Variants in KDM3B observed in about 807,000 individuals in gnomAD.
KDM3B encodes lysine-specific demethylase 3B.
A neutral mutation model predicts 170.0 loss-of-function variants in KDM3B; 10 were observed. The observed-to-expected ratio is 0.06, with a 90% CI of 0.04 to 0.10. The LOEUF (loss-of-function observed/expected upper bound fraction) is 0.10. KDM3B is among the 10% of genes least tolerant of loss of function. The probability of loss-of-function intolerance (pLI) is 1.00; values close to 1 mark genes in which losing one functional copy is unlikely to be tolerated. For synonymous variants in KDM3B, 831 were observed against 834.8 expected, an observed-to-expected ratio of 1.00 and a Z score of 0.08; for missense variants, 1,394 against 2,195.2, an observed-to-expected ratio of 0.64 and a Z score of 7.29.
intron 14 of KDM3B, among the ~76,000 whole-genome samples, chr5:138,419,686 T>C (rs1257119677): frequency 3.8e-4 from 48 of 127,510 alleles, no homozygotes; most frequent in Admixed American, 2.5e-3. Context: ...TATATATATA[T>C]ATACATATAT....
In KDM3B at chr5:138,431,571, C is replaced by T. The variant is rs990767024; in HGVS notation, c.5205+12C>T. The T allele has an allele frequency of 1.9e-6, 3 of 1,596,640 alleles. No individual in the cohort carries two copies. The Admixed American group carries it at 5.2e-5, about 27-fold the overall frequency. ...AGGATAAACTGCAGGTAAATAACTC[C>T]TCCCTCTACCCCACTCTGTCTTCTC... is the stretch of plus-strand genomic sequence containing the variant. On this transcript the variant is annotated intron_variant, in intron 23 of 23. Coordinates refer to ENST00000314358, the MANE Select transcript of KDM3B (RefSeq NM_016604.4).
intron 1 of KDM3B, among the ~76,000 whole-genome samples, chr5:138,361,649 C>T (rs1044999080): frequency 2.0e-5 from 3 of 152,182 alleles, no homozygotes; most frequent in African/African-American, 7.2e-5. Context: ...TTTCTGGCTT[C>T]CGTTGCTTTG....
At chr5:138,355,247 T>G (rs1761421041) in intron 1 of KDM3B, among the ~76,000 whole-genome samples, 1 of 152,216 alleles carries the variant, frequency 6.6e-6, no homozygotes, top group African/African-American at 2.4e-5. Flanking sequence ...CTTTTAAGGA[T>G]GAGTAATTGA....
chr5:138,422,226 T>C (rs1448765563), intron 15 of KDM3B, among the ~76,000 whole-genome samples: 1 of 152,196 alleles, frequency 6.6e-6, no homozygotes, highest in Non-Finnish European at 1.5e-5. Flanking sequence ...GTTTCTTGCC[T>C]CTCCTAAAGG....
At chr5:138,405,891 T>C (rs571901284) in intron 11 of KDM3B, among the ~76,000 whole-genome samples, 13 of 152,302 alleles carry the variant, frequency 8.5e-5, no homozygotes, top group Non-Finnish European at 1.8e-4. Flanking sequence ...GAGATTAATA[T>C]TTGAAGATAG....
chr5:138,417,418 T>C (rs570124647), intron 12 of KDM3B, 65 bp from the exon 13 acceptor site: 181 of 1,519,104 alleles, frequency 1.2e-4, no homozygotes, highest in Non-Finnish European at 8.8e-5. Flanking sequence ...AAGAACACTC[T>C]TAGCACAATA....
At chr5:138,419,728 T>TACACACACACACACACACACACACAC (rs144047213) in intron 14 of KDM3B, among the ~76,000 whole-genome samples, 8 of 122,180 alleles carry the variant, frequency 6.5e-5, no homozygotes, top group African/African-American at 9.9e-5. Flanking sequence ...TACACACACA[T>TACACACACACACACACACACACACAC]ACACACACAC....
rs774993797 is a variant in KDM3B, at chr5:138,417,629, G to T, written c.3435+19G>T. On this transcript the variant is annotated intron_variant, in intron 13 of 23. Transcript: ENST00000314358. ...GTCACAGGTAAACTGGTGTGTGTGGGTATAACTAAGTGAAGCCTAAATTTT... is the reference window on the plus strand; with the variant it reads ...GTCACAGGTAAACTGGTGTGTGTGGTTATAACTAAGTGAAGCCTAAATTTT... The T allele has an allele frequency of 1.9e-6, 3 of 1,606,692 alleles. No individual in the cohort carries two copies. Among genetic ancestry groups the T allele is most frequent in the Non-Finnish European group, 2.6e-6 (3 of 1,174,580 alleles).
Position 138,435,800 on chromosome 5 carries a change from CAG to C in KDM3B, c.*103_*104del. ...TTTGCTGGAGCAGAGGCCCTTCACCCAGAGCCAGTGTGGTCAGTATTCCAAAC... is the reference window on the plus strand; with the variant it reads ...TTTGCTGGAGCAGAGGCCCTTCACCCAGCCAGTGTGGTCAGTATTCCAAAC... On this transcript the variant is annotated 3_prime_UTR_variant, in exon 24 of 24. Coordinates refer to ENST00000314358, the MANE Select transcript of KDM3B (RefSeq NM_016604.4). The C allele has an allele frequency of 1.1e-6, 1 of 896,884 alleles. No homozygotes were observed. The highest frequency in any genetic ancestry group is 1.4e-5 in the South Asian group (1 of 69,200). 55.6% of individuals were successfully genotyped at this position (896,884 alleles called of 1,614,324 possible).
At position 138,429,911 on chromosome 5, in the gene KDM3B, A is replaced by G. The variant is rs569715318; in HGVS notation, c.4839A>G (p.Leu1613=). 6.8e-6 allele frequency: 11 copies of G among 1,614,240 alleles called. No individual in the cohort carries two copies. The South Asian group carries it at 9.9e-5, about 14-fold the overall frequency. Residue 1613 remains leucine, a synonymous_variant, in exon 21 of 24, where the codon TTA becomes TTG. Coordinates refer to ENST00000314358, the MANE Select transcript of KDM3B (RefSeq NM_016604.4). ...IHDGKEKPGA[L]WHIYAAKDAE... is the part of the protein sequence containing the mutation. ...ATGGAAAAGAGAAGCCAGGTGCTTT[A>G]TGGCACATCTATGCAGCCAAGGATG...
intron 6 of KDM3B, among the ~76,000 whole-genome samples, chr5:138,384,490 C>T (rs764084041): frequency 1.3e-5 from 2 of 151,936 alleles, no homozygotes; most frequent in Non-Finnish European, 2.9e-5. Flanking sequence ...GTAATTCCAG[C>T]ACTTTGGGAG....
Position 138,360,522 on chromosome 5 carries a change from T to TTGTGTGTGTGTGTG in KDM3B, c.192+7552_192+7565dup, listed in dbSNP as rs55976818. Reference sequence around the variant, plus strand: ...GTATAGTTGATTTTTTAAAAAAAGATTGTGTGTGTGTGTGTGTGTGTGTGT... The same window carrying TTGTGTGTGTGTGTG: ...GTATAGTTGATTTTTTAAAAAAAGATTGTGTGTGTGTGTGTGTGTGTGTGTGTGTGTGTGTGTGT... On this transcript the variant is annotated intron_variant, in intron 1 of 23. Transcript: ENST00000314358. 8.0e-3 allele frequency among the ~76,000 whole-genome samples: 1,102 copies of TTGTGTGTGTGTGTG among 137,942 alleles called. 11 individuals are homozygous for TTGTGTGTGTGTGTG. The highest frequency in any genetic ancestry group is 0.024 in the African/African-American group (878 of 37,080). The allele number at this position is 137,942 out of a possible 152,430, so 90.5% of individuals were successfully genotyped here.
intron 6 of KDM3B, among the ~76,000 whole-genome samples, chr5:138,383,791 AAC>A (rs1170137725): frequency 6.6e-6 from 1 of 152,136 alleles, no homozygotes; most frequent in Non-Finnish European, 1.5e-5. Context: ...TCTACTAAAA[AAC>A]ACAAAAATTA....
intron 11 of KDM3B, among the ~76,000 whole-genome samples, chr5:138,400,485 T>C (rs1762656122): frequency 6.6e-6 from 1 of 152,134 alleles, no homozygotes; most frequent in Non-Finnish European, 1.5e-5. Context: ...TGGTGGCTCA[T>C]GCCTGTAATT....
chr5:138,419,262 T>G, intron 14 of KDM3B, 30 bp downstream of exon 14: 3 of 1,588,314 alleles, frequency 1.9e-6, no homozygotes, highest in Non-Finnish European at 2.6e-6. Context: ...CTGCTCTGCC[T>G]ATGGTAGAAA....
rs1406968832 is a variant in KDM3B at position 138,393,160 on chromosome 5, C to G, written c.2630-11C>G. On this transcript the variant is annotated splice_polypyrimidine_tract_variant and intron_variant, in intron 8 of 23. Transcript: ENST00000314358. ...TCATGACAAACTTTTCTTCTCTCCC[C>G]CTTGCCACAGTTGGCCAGTCAGTGC... The G allele has an allele frequency of 1.2e-6, 2 of 1,613,370 alleles. No homozygotes were observed. Among genetic ancestry groups the G allele is most frequent in the Non-Finnish European group, 1.7e-6 (2 of 1,179,874 alleles).
At chr5:138,374,360 G>A (rs764467043) in intron 2 of KDM3B, 5 of 411,694 alleles carry the variant, frequency 1.2e-5, no homozygotes, top group Admixed American at 2.6e-5. Context: ...CCAGGTTCAA[G>A]CAATTCTCCT....
intron 7 of KDM3B, among the ~76,000 whole-genome samples, chr5:138,390,765 T>C (rs3798150): frequency 0.14 from 21,734 of 152,204 alleles, 1,835 homozygotes; most frequent in South Asian, 0.25. Flanking sequence ...ACCAAGGGAA[T>C]TGCAGGATGA....
chr5:138,395,315 C>G (rs1762520273), intron 9 of KDM3B, among the ~76,000 whole-genome samples: 1 of 152,130 alleles, frequency 6.6e-6, no homozygotes, highest in African/African-American at 2.4e-5. Context: ...AACTCTGGTA[C>G]TCTCCAATGT....
Sources: gnomAD v4.1 joint callset for allele counts (sites outside exome capture counted in the v4.1 genomes callset) on GRCh38, gnomAD v4.1.1 for gene constraint, MANE v1.5 for transcripts, NCBI Gene and HGNC (gene_info 2026-07-23, HGNC 2026-07-21) for gene names.